Variants in SOAT1 observed in about 807,000 individuals in gnomAD.
The protein encoded by SOAT1 is acyl-coenzyme A:cholesterol acyltransferase 1.
A neutral mutation model predicts 69.5 loss-of-function variants in SOAT1; 55 were observed. The observed-to-expected ratio is 0.79, with a 90% CI of 0.64 to 0.99. The LOEUF is 0.99. Ranked by LOEUF, SOAT1 falls within the 50% of genes least tolerant of loss-of-function variation. The pLI is 0.00. For missense variants in SOAT1, 580 were observed against 669.3 expected, an observed-to-expected ratio of 0.87 and a Z score of 1.47; for synonymous variants, 231 against 224.7, an observed-to-expected ratio of 1.03 and a Z score of -0.25.
intron 1 of SOAT1, among the ~76,000 whole-genome samples, chr1:179,298,186 C>T (rs61821738): frequency 0.22 from 32,875 of 151,426 alleles, 4,568 homozygotes; most frequent in East Asian, 0.38. Flanking sequence ...CGGGTTCAAG[C>T]GATTCTTCTG....
intron 2 of SOAT1, among the ~76,000 whole-genome samples, chr1:179,313,958 C>T (rs1665307844): frequency 6.6e-6 from 1 of 152,138 alleles, no homozygotes; most frequent in Non-Finnish European, 1.5e-5. Flanking sequence ...GATAAGCTTC[C>T]CTTAGGCCAA....
chr1:179,341,343 G>C, intron 7 of SOAT1, 33 bp downstream of exon 7: 1 of 1,580,458 alleles, frequency 6.3e-7, no homozygotes, highest in Non-Finnish European at 8.6e-7. Context: ...AGGCGATGCT[G>C]TCCTCGGCTA....
rs773888132 is a variant in SOAT1 at position 179,357,769 on chromosome 1, C to T, written c.*4128C>T. ...ATTAGCCAGGCGTGGTGGTGCACGC[C>T]TGTAGTCTCAGCTACTCAGTCGGCT... On this transcript the variant is annotated 3_prime_UTR_variant, in exon 16 of 16. Transcript: ENST00000367619. 6.6e-6 allele frequency: 1 copy of T among 152,216 alleles called. No individual in the cohort carries two copies. The highest frequency in any genetic ancestry group is 1.5e-5 in the Non-Finnish European group (1 of 68,124). 9.4% of individuals were successfully genotyped at this position (152,216 alleles called of 1,614,324 possible). A position where few individuals can be genotyped will look rare whatever the true frequency, so the allele number is the denominator to read the frequency against.
intron 2 of SOAT1, among the ~76,000 whole-genome samples, chr1:179,303,172 G>A (rs908761949): frequency 6.6e-6 from 1 of 152,190 alleles, no homozygotes; most frequent in Non-Finnish European, 1.5e-5. Context: ...ATTTATCACA[G>A]TGTAATATTC....
chr1:179,302,442 G>C (rs1391382974), intron 1 of SOAT1, among the ~76,000 whole-genome samples: 1 of 152,150 alleles, frequency 6.6e-6, no homozygotes, highest in Non-Finnish European at 1.5e-5. Flanking sequence ...GTTCTCATGA[G>C]AGCTGATGGT....
intron 7 of SOAT1, 144 bp downstream of exon 7, chr1:179,341,454 T>G: frequency 2.4e-6 from 2 of 817,048 alleles, no homozygotes; most frequent in Non-Finnish European, 3.8e-6. Flanking sequence ...TCTGTAAAAT[T>G]GTTAAACTAG....
chr1:179,337,774 G>T, intron 4 of SOAT1, 63 bp from the exon 5 acceptor site: 1 of 1,187,474 alleles, frequency 8.4e-7, no homozygotes. Context: ...TCTTGTCTGT[G>T]GGATTAGATT....
intron 2 of SOAT1, among the ~76,000 whole-genome samples, chr1:179,307,223 C>T (rs1245381577): frequency 1.3e-5 from 2 of 152,192 alleles, no homozygotes; most frequent in Admixed American, 6.5e-5. Context: ...TTGGGTAAGA[C>T]ATTTCAAACA....
chr1:179,302,881 CTCTT>C, intron 2 of SOAT1, 79 bp downstream of exon 2: 2 of 705,976 alleles, frequency 2.8e-6, no homozygotes, highest in South Asian at 5.0e-5. Flanking sequence ...GTATTGCCAT[CTCTT>C]TAATTCTTTA....
Position 179,345,003 on chromosome 1 carries a change from GT to G in SOAT1, c.1047del (p.Arg350GlyfsTer26). On this transcript the variant is annotated frameshift_variant, in exon 11 of 16. Transcript: ENST00000367619. LOFTEE classifies it high-confidence loss of function. ...YIFERLCAPL[F>X]RNIKQEPFSA... ...TCTTTGAAAGGCTTTGTGCCCCCTT[GT>G]TTCGGAATATCAAACAGGAGCCCTT... 3 of 1,614,030 alleles carry G rather than the reference GT, an allele frequency of 1.9e-6. No homozygotes were observed. The highest frequency in any genetic ancestry group is 2.5e-6 in the Non-Finnish European group (3 of 1,179,970).
chr1:179,319,691 A>T (rs1221327991), intron 2 of SOAT1, among the ~76,000 whole-genome samples: 1 of 152,162 alleles, frequency 6.6e-6, no homozygotes. Context: ...TTCTTGGCTT[A>T]CTGCAACTTC....
rs1483862767 is a variant in SOAT1, at chr1:179,355,951, A to G, written c.*2310A>G. The G allele has an allele frequency of 6.6e-6, 1 of 152,246 alleles. No individual in the cohort carries two copies. Among genetic ancestry groups the G allele is most frequent in the Non-Finnish European group, 1.5e-5 (1 of 68,036 alleles). 9.4% of individuals were successfully genotyped at this position (152,246 alleles called of 1,614,324 possible). The stretch of plus-strand genomic sequence containing the variant: ...AAACTTTCAAAAACAGTAGCACTTC[A>G]AGGAATGGTCACTTTCTATGAAAGA... On this transcript the variant is annotated 3_prime_UTR_variant, in exon 16 of 16. Coordinates refer to ENST00000367619, the MANE Select transcript of SOAT1 (RefSeq NM_003101.6).
At chr1:179,348,789 T>TA in intron 12 of SOAT1, 55 bp from the exon 13 acceptor site, 31 of 612,938 alleles carry the variant, frequency 5.1e-5, no homozygotes, top group Admixed American at 9.7e-5. Flanking sequence ...TGTGTGTGTG[T>TA]GTGTGTGTGT....
intron 3 of SOAT1, among the ~76,000 whole-genome samples, chr1:179,335,032 A>G (rs1380423317): frequency 6.6e-6 from 1 of 151,600 alleles, no homozygotes; most frequent in Non-Finnish European, 1.5e-5. Flanking sequence ...AAAAAAAAAA[A>G]AAAAAGAAAG....
Position 179,312,246 on chromosome 1 carries a change from A to G in SOAT1, c.118+9444A>G, listed in dbSNP as rs74877915. The stretch of plus-strand genomic sequence containing the variant: ...ATTTTCCTAACTTTTTCTGTAGCGC[A>G]TGGCAATTTGGAATCAGAAGGCAGA... On this transcript the variant is annotated intron_variant, in intron 2 of 15. Transcript: ENST00000367619. Among the ~76,000 whole-genome samples, 1,082 of 152,272 alleles carry G rather than the reference A, an allele frequency of 7.1e-3. 12 individuals carry two copies. Among genetic ancestry groups the G allele is most frequent in the African/African-American group, 0.024 (995 of 41,546 alleles).
At position 179,342,928 on chromosome 1, in the gene SOAT1, G is replaced by C; in HGVS notation, c.926G>C (p.Arg309Pro). 1.2e-6 allele frequency: 2 copies of C among 1,612,710 alleles called. No individual in the cohort carries two copies. The highest frequency in any genetic ancestry group is 1.7e-6 in the Non-Finnish European group (2 of 1,178,902). ...YFLFAPTLIY[R>P]DSYPRNPTVR... ...TTATTTGCTCCTACCCTTATCTACCGTGACAGCTATCCCAGGTAATGGTAC... is the reference window on the plus strand; with the variant it reads ...TTATTTGCTCCTACCCTTATCTACCCTGACAGCTATCCCAGGTAATGGTAC... Residue 309 changes from arginine (R) to proline (P), a missense_variant, in exon 9 of 16, where the codon CGT (arginine) becomes CCT (proline). Coordinates refer to ENST00000367619, the MANE Select transcript of SOAT1 (RefSeq NM_003101.6).
chr1:179,312,593 G>A (rs7543894), intron 2 of SOAT1, among the ~76,000 whole-genome samples: 1 of 151,962 alleles, frequency 6.6e-6, no homozygotes, highest in African/African-American at 2.4e-5. Flanking sequence ...GGAGACTGAC[G>A]TTAAGAACTG....
At chr1:179,312,559 T>C (rs1665256395) in intron 2 of SOAT1, among the ~76,000 whole-genome samples, 1 of 152,218 alleles carries the variant, frequency 6.6e-6, no homozygotes. Flanking sequence ...CTCTCCAGTC[T>C]TTTCTACGCT....
rs1184783089 is a variant in SOAT1, at chr1:179,351,197, C to CCACGG, written c.1451-116_1451-115insGCACG. Reference sequence around the variant, plus strand: ...TGGCTGGGATTACAGGCACACACCACCACGCCTGGCTAATTTTTGTATTTT... The same window carrying CCACGG: ...TGGCTGGGATTACAGGCACACACCACCACGGCACGCCTGGCTAATTTTTGTATTTT... On this transcript the variant is annotated intron_variant, in intron 14 of 15. Transcript: ENST00000367619. 6 of 789,366 alleles carry CCACGG rather than the reference C, an allele frequency of 7.6e-6. No homozygotes were observed. In the African/African-American group the frequency reaches 1.0e-4, roughly 14 times the overall value. The allele number at this position is 789,366 out of a possible 1,614,324, so 48.9% of individuals were successfully genotyped here.
Sources: allele counts gnomAD v4.1 joint callset (sites outside exome capture counted in the v4.1 genomes callset), GRCh38; gene constraint gnomAD v4.1.1; transcripts MANE v1.5; gene names NCBI Gene and HGNC (gene_info 2026-07-23, HGNC 2026-07-21).